Variants in COG5 observed in about 807,000 individuals in gnomAD.
COG5 encodes component of oligomeric golgi complex 5, also known as conserved oligomeric Golgi complex subunit 5.
A neutral mutation model predicts 110.4 loss-of-function variants in COG5; 86 were observed. That is an observed-to-expected ratio of 0.78 (90% confidence interval 0.65 to 0.93). The LOEUF (loss-of-function observed/expected upper bound fraction) is 0.93, where lower values mean the gene tolerates loss of function less well. Among genes scored for constraint, COG5 ranks in the 40% least tolerant of loss-of-function variants. COG5 has a pLI of 0.00. For missense variants in COG5, 1,077 were observed against 987.0 expected (o/e 1.09, Z -1.22); for synonymous variants, 360 against 334.6 (o/e 1.08, Z -0.83).
Position 107,474,328 on chromosome 7 carries a change from A to C in COG5, c.538+52909T>G, listed in dbSNP as rs1168819381. 1 of 1,612,058 alleles carries C rather than the reference A, an allele frequency of 6.2e-7. No homozygotes were observed. The highest frequency in any genetic ancestry group is 8.5e-7 in the Non-Finnish European group (1 of 1,178,310). The stretch of plus-strand genomic sequence containing the variant: ...AATGAATCTTCATGTACTTGATGTA[A>C]TAATTTGTGTGGGATGTATTCCTCT... On this transcript the variant is annotated intron_variant, in intron 6 of 21. Transcript: ENST00000297135. The surrounding 1 kb of genome is among the most constrained non-coding windows in gnomAD (Gnocchi z 5.7).
chr7:107,477,694 T>C (rs1797074126), intron 6 of COG5, among the ~76,000 whole-genome samples: 1 of 151,850 alleles, frequency 6.6e-6, no homozygotes, highest in African/African-American at 2.4e-5. Flanking sequence ...CTAAGTAGTA[T>C]ATAATATGTA....
At chr7:107,488,365 A>G (rs566969183) in intron 6 of COG5, among the ~76,000 whole-genome samples, 13 of 152,224 alleles carry the variant, frequency 8.5e-5, no homozygotes, top group African/African-American at 2.9e-4. Flanking sequence ...ATTTTCTCAC[A>G]AAGTACTGTC....
chr7:107,301,555 C>G (rs1260830631), intron 11 of COG5, among the ~76,000 whole-genome samples: 2 of 152,106 alleles, frequency 1.3e-5, no homozygotes, highest in East Asian at 3.8e-4. Context: ...CATAACTGTT[C>G]AAATGACTAA....
At chr7:107,263,026 C>G (rs1308971152) in intron 14 of COG5, among the ~76,000 whole-genome samples, 1 of 152,202 alleles carries the variant, frequency 6.6e-6, no homozygotes, top group Non-Finnish European at 1.5e-5. Flanking sequence ...AACCTCTAGT[C>G]TATCTCAGTA....
At chr7:107,394,582 T>C (rs960353157) in intron 7 of COG5, among the ~76,000 whole-genome samples, 1 of 152,222 alleles carries the variant, frequency 6.6e-6, no homozygotes, top group African/African-American at 2.4e-5. Context: ...AAGACTGCTA[T>C]AAAGATTGTT....
At chr7:107,433,988 A>C (rs1794195359) in intron 6 of COG5, among the ~76,000 whole-genome samples, 1 of 152,206 alleles carries the variant, frequency 6.6e-6, no homozygotes, top group South Asian at 2.1e-4. Flanking sequence ...TGATTTTTAA[A>C]TGGGCAAAGA....
intron 16 of COG5, among the ~76,000 whole-genome samples, chr7:107,255,393 G>A (rs1309864042): frequency 1.3e-5 from 2 of 152,064 alleles, no homozygotes. Flanking sequence ...TACCCTCAAT[G>A]AATCAAATCC....
intron 17 of COG5, 25 bp downstream of exon 17, chr7:107,248,371 T>G (rs747612660): frequency 4.9e-6 from 7 of 1,414,202 alleles, no homozygotes; most frequent in Non-Finnish European, 7.0e-6. Flanking sequence ...TAAAAGTTAG[T>G]AAAAATTTGG....
Position 107,372,459 on chromosome 7 carries a change from T to A in COG5, c.835+136A>T, listed in dbSNP as rs374338220. On this transcript the variant is annotated intron_variant, in intron 8 of 21. Coordinates refer to ENST00000297135, the MANE Select transcript of COG5 (RefSeq NM_006348.5). ...AAAGATATAAATAAATTCTGAAACA[T>A]AATTTCTTCTCTCATTTTCTGTCTA... 4.8e-6 allele frequency: 4 copies of A among 825,704 alleles called. No homozygotes were observed. The African/African-American group carries it at 6.9e-5, about 14-fold the overall frequency. 51.1% of individuals were successfully genotyped at this position (825,704 alleles called of 1,614,324 possible).
chr7:107,244,546 GA>G, intron 17 of COG5, among the ~76,000 whole-genome samples: 1 of 151,304 alleles, frequency 6.6e-6, no homozygotes, highest in Non-Finnish European at 1.5e-5. Context: ...TAGGCTTTTT[GA>G]AAAAAATTAA....
chr7:107,234,647 A>T (rs1801032278), intron 18 of COG5, among the ~76,000 whole-genome samples: 1 of 152,184 alleles, frequency 6.6e-6, no homozygotes, highest in African/African-American at 2.4e-5. Flanking sequence ...TGACTCAAGA[A>T]CCAGCTGGAG....
chr7:107,243,685 C>T (rs1219759778), intron 17 of COG5, among the ~76,000 whole-genome samples: 1 of 151,978 alleles, frequency 6.6e-6, no homozygotes, highest in African/African-American at 2.4e-5. Flanking sequence ...TAGACCTTTA[C>T]AGAACTCTCC....
chr7:107,315,245 A>C (rs755060696), intron 11 of COG5, among the ~76,000 whole-genome samples: 3 of 151,436 alleles, frequency 2.0e-5, no homozygotes, highest in Non-Finnish European at 4.4e-5. Flanking sequence ...TTATCACTAT[A>C]TGTTTTAAAA....
chr7:107,456,188 A>G (rs1795661092), intron 6 of COG5, among the ~76,000 whole-genome samples: 1 of 152,216 alleles, frequency 6.6e-6, no homozygotes, highest in Non-Finnish European at 1.5e-5. Flanking sequence ...ACAAGGAGTA[A>G]AAAGTAAAAC....
rs1798351770 is a variant in COG5, at chr7:107,201,962, A to G, written c.*1554T>C. Reference sequence around the variant, plus strand: ...CTAGTCTGGTCAGTGCCAAGAGGCTACCAGAACATGGGGCAGGTGGCTGGT... The same window carrying G: ...CTAGTCTGGTCAGTGCCAAGAGGCTGCCAGAACATGGGGCAGGTGGCTGGT... On this transcript the variant is annotated 3_prime_UTR_variant, in exon 22 of 22. Coordinates refer to ENST00000297135, the MANE Select transcript of COG5 (RefSeq NM_006348.5). The G allele has an allele frequency of 6.6e-6, 1 of 152,664 alleles. No homozygotes were observed. The highest frequency in any genetic ancestry group is 6.5e-5 in the Admixed American group (1 of 15,284). 9.5% of individuals were successfully genotyped at this position (152,664 alleles called of 1,614,324 possible).
chr7:107,353,530 TATC>T (rs2129042610), intron 10 of COG5, among the ~76,000 whole-genome samples: 1 of 152,174 alleles, frequency 6.6e-6, no homozygotes, highest in East Asian at 1.9e-4. Flanking sequence ...CTTTTCAAAT[TATC>T]ATATAAACTG....
chr7:107,300,264 C>G (rs1420155922), intron 11 of COG5, among the ~76,000 whole-genome samples: 2 of 152,082 alleles, frequency 1.3e-5, no homozygotes, highest in African/African-American at 2.4e-5. Context: ...GCTCAAAAAT[C>G]AGCAACAAGA....
At chr7:107,327,163 T>C (rs538516431) in intron 10 of COG5, among the ~76,000 whole-genome samples, 1 of 152,210 alleles carries the variant, frequency 6.6e-6, no homozygotes, top group South Asian at 2.1e-4. Flanking sequence ...CATACAATCT[T>C]GAACAAGGGT....
chr7:107,329,982 A>G (rs938629468), intron 10 of COG5, among the ~76,000 whole-genome samples: 1 of 152,196 alleles, frequency 6.6e-6, no homozygotes, highest in Non-Finnish European at 1.5e-5. Flanking sequence ...CTATATAAAA[A>G]TCACTGTGCT....
Sources: allele counts gnomAD v4.1 joint callset (sites outside exome capture counted in the v4.1 genomes callset), GRCh38; gene constraint gnomAD v4.1.1; non-coding constraint Gnocchi (gnomAD v3.1); transcripts MANE v1.5; gene names NCBI Gene and HGNC (gene_info 2026-07-23, HGNC 2026-07-21).